Variants in SYMPK observed in about 807,000 individuals in gnomAD.
SYMPK encodes the protein symplekin.
SYMPK carries 49 observed loss-of-function variants against 136.4 expected under a neutral mutation model. That is an observed-to-expected ratio of 0.36 (90% CI 0.29 to 0.46). SYMPK has a LOEUF of 0.46. Ranked by LOEUF, SYMPK falls within the 20% of genes least tolerant of loss-of-function variation. The probability of loss-of-function intolerance (pLI) is 1.00; values close to 1 mark genes in which losing one functional copy is unlikely to be tolerated. For missense variants in SYMPK, 1,365 were observed against 1,690.0 expected, an observed-to-expected ratio of 0.81 and a Z score of 3.37; for synonymous variants, 766 against 713.0, an observed-to-expected ratio of 1.07 and a Z score of -1.19.
chr19:45,823,549 A>C, intron 19 of SYMPK, 77 bp from the exon 20 acceptor site: 1 of 1,397,230 alleles, frequency 7.2e-7, no homozygotes, highest in Non-Finnish European at 1.0e-6. Context: ...AGGAAAGAGA[A>C]GCAGGCAGGT....
intron 9 of SYMPK, 48 bp from the exon 10 acceptor site, chr19:45,838,663 G>A (rs1434554493): frequency 1.3e-6 from 2 of 1,580,724 alleles, no homozygotes; most frequent in Non-Finnish European, 1.7e-6. Context: ...GAGAGCTGCA[G>A]GCCCTCCATC....
In SYMPK at chr19:45,823,796, G is replaced by A. The variant is rs1970966496; in HGVS notation, c.2570C>T (p.Thr857Met). The change falls in exon 19 of 27, where the codon ACG becomes ATG. Residue 857 changes from threonine (T) to methionine (M), a missense_variant. Thr to Met is a moderately conservative substitution (Grantham distance 81). This residue lies in a region of SYMPK where 92 missense variants were observed against 198.6 expected (regional missense o/e 0.46). Transcript: ENST00000245934. Reference sequence around the variant, plus strand: ...GTCTGTGAGGCTGTGCAGACATCTCGTGACCAGTGTCTCTGCTCCCTTGGG... The same window carrying A: ...GTCTGTGAGGCTGTGCAGACATCTCATGACCAGTGTCTCTGCTCCCTTGGG... Reference protein sequence around the residue: ...NCPKGAETLVTRCLHSLTDKV... With the variant: ...NCPKGAETLVMRCLHSLTDKV... 1 of 1,614,088 alleles carries A rather than the reference G, an allele frequency of 6.2e-7. No homozygotes were observed. The highest frequency in any genetic ancestry group is 8.5e-7 in the Non-Finnish European group (1 of 1,179,992).
intron 22 of SYMPK, among the ~76,000 whole-genome samples, 173 bp from the exon 23 acceptor site, chr19:45,818,319 G>T (rs1268696063): frequency 6.6e-6 from 1 of 152,204 alleles, no homozygotes; most frequent in East Asian, 1.9e-4. Flanking sequence ...CACACTGCAA[G>T]CCCCGCCCTT....
intron 20 of SYMPK, among the ~76,000 whole-genome samples, 193 bp downstream of exon 20, chr19:45,823,179 G>A (rs79495405): frequency 0.028 from 4,257 of 152,298 alleles, 199 homozygotes; most frequent in African/African-American, 0.096. Flanking sequence ...ATGCAAATGA[G>A]GCCAGGAGCT....
intron 9 of SYMPK, among the ~76,000 whole-genome samples, chr19:45,840,992 T>TC (rs1971421805): frequency 6.9e-6 from 1 of 145,120 alleles, no homozygotes; most frequent in African/African-American, 2.5e-5. Context: ...GATAAATTCC[T>TC]TTTTTTTTTT....
intron 6 of SYMPK, 146 bp downstream of exon 6, chr19:45,848,604 G>A (rs1971621996): frequency 4.5e-6 from 5 of 1,109,084 alleles, no homozygotes; most frequent in Non-Finnish European, 6.5e-6. Context: ...GACAACGTTA[G>A]CTCTCCATGT....
At chr19:45,845,304 A>G (rs1971533926) in intron 7 of SYMPK, among the ~76,000 whole-genome samples, 1 of 151,762 alleles carries the variant, frequency 6.6e-6, no homozygotes. Context: ...TATTTGTTCT[A>G]ACTATTTTTT....
At chr19:45,840,716 G>A (rs1246474955) in intron 9 of SYMPK, among the ~76,000 whole-genome samples, 2 of 151,258 alleles carry the variant, frequency 1.3e-5, no homozygotes, top group Admixed American at 6.6e-5. Context: ...GGTGGCATTC[G>A]CCTGTAATTC....
intron 20 of SYMPK, 107 bp downstream of exon 20, chr19:45,823,265 C>T: frequency 1.7e-6 from 2 of 1,144,680 alleles, no homozygotes; most frequent in Admixed American, 3.4e-5. Flanking sequence ...CTTCTGCCCT[C>T]TGCTATGTGC....
intron 10 of SYMPK, 128 bp downstream of exon 10, chr19:45,838,333 A>C: frequency 8.4e-7 from 1 of 1,183,938 alleles, no homozygotes; most frequent in Non-Finnish European, 1.2e-6. Flanking sequence ...AAGCCAATTA[A>C]ACCCCTTTTC....
chr19:45,825,893 TC>T (rs1188977904), intron 17 of SYMPK, among the ~76,000 whole-genome samples: 1 of 152,212 alleles, frequency 6.6e-6, no homozygotes, highest in Non-Finnish European at 1.5e-5. Flanking sequence ...GCCCAAGCCT[TC>T]CCATTTAATG....
Position 45,826,439 on chromosome 19 carries a change from G to C in SYMPK, c.2182-66C>G, listed in dbSNP as rs1049528532. The stretch of plus-strand genomic sequence containing the variant: ...TAAGAGGAAGAACAGCTATTCCTGC[G>C]AGCATGGCAACACTCACGTGAAAAC... On this transcript the variant is annotated intron_variant, in intron 16 of 26. Coordinates refer to ENST00000245934, the MANE Select transcript of SYMPK (RefSeq NM_004819.3). 44 of 1,543,438 alleles carry C rather than the reference G, an allele frequency of 2.9e-5. No individual in the cohort carries two copies. The African/African-American group carries it at 5.4e-4, about 19-fold the overall frequency.
intron 16 of SYMPK, among the ~76,000 whole-genome samples, 200 bp from the exon 17 acceptor site, chr19:45,826,573 C>T (rs1025030256): frequency 2.0e-5 from 3 of 152,126 alleles, no homozygotes; most frequent in Admixed American, 2.0e-4. Flanking sequence ...CACCACCTCA[C>T]TGCCTGCCTC....
intron 11 of SYMPK, 122 bp from the exon 12 acceptor site, chr19:45,831,710 A>AC: frequency 1.4e-6 from 1 of 695,992 alleles, no homozygotes; most frequent in East Asian, 2.9e-5. Context: ...TTAAATCCAC[A>AC]CAACACTGTC....
chr19:45,848,122 AAC>A (rs900419624), intron 6 of SYMPK, 121 bp from the exon 7 acceptor site: 2 of 1,282,734 alleles, frequency 1.6e-6, no homozygotes, highest in South Asian at 1.6e-5. Context: ...TCATTTGGTT[AAC>A]AGTTACTGAG....
Position 45,859,954 on chromosome 19 carries a change from A to T in SYMPK, c.-13+3104T>A, listed in dbSNP as rs73566635. Among the ~76,000 whole-genome samples, 14 of 18,936 alleles carry T rather than the reference A, an allele frequency of 7.4e-4. No individual in the cohort carries two copies. The East Asian group carries it at 0.019, about 26-fold the overall frequency. The allele number at this position is 18,936 out of a possible 152,430, so 12.4% of individuals were successfully genotyped here. On this transcript the variant is annotated intron_variant, in intron 1 of 26. Coordinates refer to ENST00000245934, the MANE Select transcript of SYMPK (RefSeq NM_004819.3). ...TGGGAGACACGGTAAGACTCCATCTAAAAAAAAAAAAAAAAAAAAAAAAAA... is the reference window on the plus strand; with the variant it reads ...TGGGAGACACGGTAAGACTCCATCTTAAAAAAAAAAAAAAAAAAAAAAAAA...
chr19:45,818,289 T>TC (rs1970803365), intron 22 of SYMPK, 143 bp from the exon 23 acceptor site: 1 of 803,556 alleles, frequency 1.2e-6, no homozygotes, highest in Non-Finnish European at 1.9e-6. Context: ...GAGAGGAGAC[T>TC]CCCCCGACCC....
chr19:45,844,605 G>T (rs1470680350), intron 7 of SYMPK, among the ~76,000 whole-genome samples: 1 of 152,022 alleles, frequency 6.6e-6, no homozygotes, highest in Non-Finnish European at 1.5e-5. Context: ...AACCCAGGAG[G>T]CAGAGGTTGC....
Position 45,844,184 on chromosome 19 carries a change from C to T in SYMPK, c.693G>A (p.Glu231=). 2 of 1,604,330 alleles carry T rather than the reference C, an allele frequency of 1.2e-6. No homozygotes were observed. Among genetic ancestry groups the T allele is most frequent in the Non-Finnish European group, 1.7e-6 (2 of 1,175,366 alleles). The stretch of plus-strand genomic sequence containing the variant: ...GCAGCTGCTCCAAGGCTGCCTTGCC[C>T]TCTTCCCATAGCACGTCTAAGAGAC... ...PYIQYNVLWE[E]GKAALEQLLK... is the part of the protein sequence containing the mutation. The change falls in exon 8 of 27, where the codon GAG becomes GAA. Residue 231 remains glutamate, a synonymous_variant. Coordinates refer to ENST00000245934, the MANE Select transcript of SYMPK (RefSeq NM_004819.3).
Sources: gnomAD v4.1 joint callset for allele counts (sites outside exome capture counted in the v4.1 genomes callset) on GRCh38, gnomAD v4.1.1 for gene constraint, gnomAD v4.1.1 regional missense constraint, MANE v1.5 for transcripts, NCBI Gene and HGNC (gene_info 2026-07-23, HGNC 2026-07-21) for gene names.